The following DGKB variants were observed in gnomAD, a reference collection of about 807,000 sequenced individuals.
DGKB encodes 90 kDa diacylglycerol kinase.
A neutral mutation model predicts 114.3 loss-of-function variants in DGKB; 67 were observed. The observed-to-expected ratio is 0.59, with a 90% CI of 0.48 to 0.72. DGKB has a LOEUF of 0.72. DGKB is among the 30% of genes least tolerant of loss of function. DGKB has a pLI of 0.00. For missense variants in DGKB, 907 were observed against 975.2 expected (o/e 0.93, Z 0.93); for synonymous variants, 398 against 323.1 (o/e 1.23, Z -2.49).
chr7:14,294,749 G>T (rs1370867207), intron 23 of DGKB, among the ~76,000 whole-genome samples: 1 of 152,070 alleles, frequency 6.6e-6, no homozygotes, highest in African/African-American at 2.4e-5. Flanking sequence ...AAAGATTATT[G>T]AATATATTAT....
intron 23 of DGKB, among the ~76,000 whole-genome samples, chr7:14,300,258 C>T (rs1463738808): frequency 1.3e-5 from 2 of 152,054 alleles, no homozygotes; most frequent in African/African-American, 4.8e-5. Flanking sequence ...TAGCAAAGTG[C>T]ACCTCATTTT....
rs536907276 is a variant in DGKB at position 14,374,150 on chromosome 7, A to G, written c.1836-28759T>C. On this transcript the variant is annotated intron_variant, in intron 21 of 25. Transcript: ENST00000402815. ...TTCCCGAACTGCAATCCCCTACTCT[A>G]CTATCAATAGCTCCCCAACCTTTAC... 3.0e-4 allele frequency among the ~76,000 whole-genome samples: 45 copies of G among 152,080 alleles called. No individual in the cohort carries two copies. In the South Asian group the frequency reaches 8.3e-3, roughly 28 times the overall value.
At chr7:14,450,004 G>A (rs564795441) in intron 21 of DGKB, among the ~76,000 whole-genome samples, 1 of 151,854 alleles carries the variant, frequency 6.6e-6, no homozygotes, top group Non-Finnish European at 1.5e-5. Context: ...GCTTCTCAAA[G>A]TTCATTATGT....
At chr7:14,769,196 AAAGG>A (rs1402316473) in intron 2 of DGKB, among the ~76,000 whole-genome samples, 1 of 137,760 alleles carries the variant, frequency 7.3e-6, no homozygotes, top group East Asian at 2.3e-4. Context: ...AGAAAGAAAG[AAAGG>A]AAGAAAGGAA....
intron 21 of DGKB, among the ~76,000 whole-genome samples, chr7:14,458,469 G>T (rs1458812044): frequency 6.6e-6 from 1 of 152,132 alleles, no homozygotes; most frequent in Non-Finnish European, 1.5e-5. Flanking sequence ...GCAGAAGGTG[G>T]GTGATTTCTG....
chr7:14,689,426 C>T (rs1208374478), intron 9 of DGKB, among the ~76,000 whole-genome samples: 2 of 152,070 alleles, frequency 1.3e-5, no homozygotes, highest in Non-Finnish European at 2.9e-5. Flanking sequence ...CCGCCTCGGC[C>T]TCCCAAAGTG....
Position 14,841,270 on chromosome 7 carries a change from G to T in DGKB, c.-7C>A. ...ATTTTTCCTGGTTTGTCATGGTGGT[G>T]GTGAGAAGCTCTGTCACATACCAGG... On this transcript the variant is annotated 5_prime_UTR_variant, in exon 2 of 26. Coordinates refer to ENST00000402815, the MANE Select transcript of DGKB (RefSeq NM_001350709.2). 1.2e-6 allele frequency: 2 copies of T among 1,613,128 alleles called. No homozygotes were observed. Among genetic ancestry groups the T allele is most frequent in the Non-Finnish European group, 1.7e-6 (2 of 1,179,492 alleles).
chr7:14,858,273 C>T (rs1244655096), intron 1 of DGKB, among the ~76,000 whole-genome samples: 1 of 152,144 alleles, frequency 6.6e-6, no homozygotes. Flanking sequence ...TTGCCACAAC[C>T]AAATTGTCTA....
At chr7:14,717,508 A>C (rs1828400393) in intron 6 of DGKB, among the ~76,000 whole-genome samples, 1 of 152,176 alleles carries the variant, frequency 6.6e-6, no homozygotes, top group Non-Finnish European at 1.5e-5. Context: ...ATATTTAAAG[A>C]TGATATTCAT....
intron 21 of DGKB, among the ~76,000 whole-genome samples, chr7:14,395,548 A>G (rs1380431470): frequency 6.6e-6 from 1 of 151,916 alleles, no homozygotes; most frequent in African/African-American, 2.4e-5. Flanking sequence ...AACACCATAT[A>G]GTGATGAGAT....
rs187688913 is a variant in DGKB, at chr7:14,960,037, G to A, written c.-188+14659C>T. Among the ~76,000 whole-genome samples, 370 of 152,032 alleles carry A rather than the reference G, an allele frequency of 2.4e-3. 2 individuals carry two copies. The highest frequency in any genetic ancestry group is 8.2e-3 in the African/African-American group (341 of 41,528). ...TTTTTACAGGGAAGACAACTTCATC[G>A]TCAGTCATTTAAGAACACAGGCATG... On this transcript the variant is annotated intron_variant, in intron 1 of 4. Transcript: ENST00000437998.
Position 14,957,792 on chromosome 7 carries a change from G to T in DGKB, c.-188+16904C>A, listed in dbSNP as rs181676958. 2.1e-3 allele frequency among the ~76,000 whole-genome samples: 312 copies of T among 151,806 alleles called. 1 individual carries two copies. The highest frequency in any genetic ancestry group is 7.9e-3 in the South Asian group (38 of 4,826). ...TACTTGCCCCAAAGTATTTCATATA[G>T]TGTACCTGAAATTATTTAATTTGGC... is the stretch of plus-strand genomic sequence containing the variant. On this transcript the variant is annotated intron_variant, in intron 1 of 4. Coordinates refer to the DGKB transcript ENST00000437998.
At chr7:14,399,923 A>G (rs1317954055) in intron 21 of DGKB, among the ~76,000 whole-genome samples, 1 of 151,970 alleles carries the variant, frequency 6.6e-6, no homozygotes, top group Non-Finnish European at 1.5e-5. Flanking sequence ...AGATACACGA[A>G]GGACAATATT....
intron 12 of DGKB, among the ~76,000 whole-genome samples, chr7:14,682,230 G>C (rs1023407177): frequency 2.0e-5 from 3 of 151,982 alleles, no homozygotes; most frequent in African/African-American, 7.2e-5. Flanking sequence ...TACCCAAACA[G>C]TATCCTATTC....
chr7:14,648,534 A>T (rs1813676029), intron 13 of DGKB, among the ~76,000 whole-genome samples: 1 of 152,128 alleles, frequency 6.6e-6, no homozygotes, highest in South Asian at 2.1e-4. Flanking sequence ...ATAAAACCAC[A>T]AAGATGGGGA....
At position 14,769,586 on chromosome 7, in the gene DGKB, T is replaced by C. The variant is rs568969265; in HGVS notation, c.71-11855A>G. Among the ~76,000 whole-genome samples the C allele has an allele frequency of 3.0e-4, 45 of 152,032 alleles. No homozygotes were observed. In the South Asian group the frequency reaches 7.0e-3, roughly 24 times the overall value. ...ATCTGCCAAAGGAAAGCGAACACTA[T>C]TTATTTGTTTCCTAGGGCTGCTATA... is the stretch of plus-strand genomic sequence containing the variant. On this transcript the variant is annotated intron_variant, in intron 2 of 25. Transcript: ENST00000402815.
chr7:14,561,523 T>C (rs1252022927), intron 20 of DGKB, among the ~76,000 whole-genome samples: 2 of 152,096 alleles, frequency 1.3e-5, no homozygotes, highest in African/African-American at 2.4e-5. Flanking sequence ...CAGAAAAATG[T>C]TGCAAAGTTT....
intron 21 of DGKB, among the ~76,000 whole-genome samples, chr7:14,417,068 A>T (rs911575864): frequency 2.6e-5 from 4 of 152,112 alleles, no homozygotes; most frequent in African/African-American, 9.7e-5. Flanking sequence ...AACTAGGACC[A>T]TAGGAACAGA....
At chr7:14,673,400 CTTTTT>C (rs374138480) in intron 12 of DGKB, among the ~76,000 whole-genome samples, 5 of 131,086 alleles carry the variant, frequency 3.8e-5, no homozygotes, top group Non-Finnish European at 4.9e-5. Flanking sequence ...CCTGTGTATG[CTTTTT>C]TTTTTTTTTT....
Sources: allele counts gnomAD v4.1 joint callset (sites outside exome capture counted in the v4.1 genomes callset), GRCh38; gene constraint gnomAD v4.1.1; transcripts MANE v1.5; gene names NCBI Gene and HGNC (gene_info 2026-07-23, HGNC 2026-07-21).